Variants in HMGN5 observed in about 807,000 individuals in gnomAD.
The protein encoded by HMGN5 is high mobility group nucleosome-binding domain-containing protein 5.
In HMGN5, 4 loss-of-function variants were observed where a neutral mutation model predicts 9.5. The observed-to-expected ratio is 0.42, with a 90% CI of 0.21 to 0.96. HMGN5 has a LOEUF of 0.96. Among genes scored for constraint, HMGN5 ranks in the 40% least tolerant of loss-of-function variants. HMGN5 has a pLI of 0.30. For synonymous variants in HMGN5, 55 were observed against 57.1 expected (o/e 0.96, Z 0.16); for missense variants, 192 against 187.5 (o/e 1.02, Z -0.14).
At chrX:81,151,048 C>T (rs1473581485) in intron 1 of HMGN5, among the ~76,000 whole-genome samples, 2 of 111,797 alleles carry the variant, frequency 1.8e-5, no homozygotes, top group Non-Finnish European at 3.8e-5. Flanking sequence ...AATACTAACA[C>T]CAATCCTATT....
intron 1 of HMGN5, among the ~76,000 whole-genome samples, chrX:81,142,454 C>A (rs1320361528): frequency 2.7e-5 from 3 of 111,430 alleles, no homozygotes; most frequent in Non-Finnish European, 3.8e-5. Context: ...AAGAAAGAAT[C>A]CTAAAGGCAG....
intron 1 of HMGN5, among the ~76,000 whole-genome samples, chrX:81,128,314 A>G (rs1297528126): frequency 2.7e-5 from 3 of 111,408 alleles, no homozygotes; most frequent in Non-Finnish European, 5.7e-5. Context: ...CACAAATTTT[A>G]ATGACGATAG....
At chrX:81,120,386 G>T (rs2075265438) in intron 2 of HMGN5, among the ~76,000 whole-genome samples, 1 of 111,245 alleles carries the variant, frequency 9.0e-6, no homozygotes, top group Admixed American at 9.6e-5. Flanking sequence ...CTGCTTTAAG[G>T]TTGCTGTCAG....
chrX:81,162,479 G>T (rs1173092597), intron 1 of HMGN5, among the ~76,000 whole-genome samples: 3 of 109,872 alleles, frequency 2.7e-5, no homozygotes, highest in Non-Finnish European at 5.7e-5. Context: ...ATAGAGAGTA[G>T]ATCTCAAGCA....
chrX:81,171,721 G>C (rs928482237), intron 1 of HMGN5, among the ~76,000 whole-genome samples: 3 of 111,215 alleles, frequency 2.7e-5, no homozygotes, highest in Non-Finnish European at 5.7e-5. Context: ...AATGGCCCTA[G>C]AAAGTGCTGC....
chrX:81,151,508 G>A (rs757867588), intron 1 of HMGN5, among the ~76,000 whole-genome samples: 5 of 109,502 alleles, frequency 4.6e-5, no homozygotes, highest in African/African-American at 1.7e-4. Context: ...GCTTGATGGG[G>A]ATGGCATTGA....
chrX:81,166,773 A>T (rs1463331718), intron 1 of HMGN5, among the ~76,000 whole-genome samples: 1 of 111,356 alleles, frequency 9.0e-6, no homozygotes, highest in Non-Finnish European at 1.9e-5. Context: ...TTCCATGGTG[A>T]TGCTATTCAA....
intron 1 of HMGN5, among the ~76,000 whole-genome samples, chrX:81,149,989 G>A (rs2075356281): frequency 1.8e-5 from 2 of 111,601 alleles, no homozygotes; most frequent in South Asian, 7.5e-4. Context: ...TCTCAGCATT[G>A]TACAGATCTT....
At chrX:81,174,862 A>G (rs1306546260) in intron 1 of HMGN5, among the ~76,000 whole-genome samples, 1 of 111,326 alleles carries the variant, frequency 9.0e-6, no homozygotes, top group Non-Finnish European at 1.9e-5. Context: ...TCTGCTTTAT[A>G]GTATATGTAG....
In HMGN5 at chrX:81,115,033, T is replaced by G. The variant is rs147858164; in HGVS notation, c.465A>C (p.Glu155Asp). The G allele has an allele frequency of 5.2e-6, 6 of 1,154,150 alleles. No individual in the cohort carries two copies. In the African/African-American group the frequency reaches 9.1e-5, roughly 18 times the overall value. ...GKEDKDEKGE[E>D]DGKEDKNGNE... ...TTCCATTTTTATCCTCTTTTCCATC[T>G]TCTTCCCCTTTTTCATCTTTGTCTT... The change falls in exon 7 of 7, where the codon GAA (glutamate) becomes GAC (aspartate). Residue 155 changes from glutamate to aspartate, a missense_variant. Glu to Asp is a conservative substitution (Grantham distance 45). Transcript: ENST00000358130.
chrX:81,148,811 T>C (rs776097843), intron 1 of HMGN5, among the ~76,000 whole-genome samples: 2 of 111,074 alleles, frequency 1.8e-5, no homozygotes, highest in African/African-American at 6.5e-5. Flanking sequence ...CATCAAAAAA[T>C]GGGCAAAGGA....
At chrX:81,188,606 C>T (rs189387008) in intron 1 of HMGN5, among the ~76,000 whole-genome samples, 410 of 109,829 alleles carry the variant, frequency 3.7e-3, no homozygotes, top group Non-Finnish European at 6.6e-3. Flanking sequence ...AGTTATATCT[C>T]CTAACGCTAT....
intron 1 of HMGN5, among the ~76,000 whole-genome samples, chrX:81,152,570 T>G (rs2075366645): frequency 9.0e-6 from 1 of 110,989 alleles, no homozygotes; most frequent in African/African-American, 3.3e-5. Flanking sequence ...GTTCAACCAT[T>G]GTGGAAGTCA....
At chrX:81,132,760 A>C (rs891714628) in intron 1 of HMGN5, among the ~76,000 whole-genome samples, 8 of 111,853 alleles carry the variant, frequency 7.2e-5, no homozygotes, top group African/African-American at 2.6e-4. Flanking sequence ...CAACATAGGC[A>C]ATGACATCCT....
At chrX:81,200,008 G>A (rs967554688) in intron 1 of HMGN5, among the ~76,000 whole-genome samples, 9 of 111,635 alleles carry the variant, frequency 8.1e-5, no homozygotes, top group African/African-American at 2.9e-4. Flanking sequence ...CAGAATCTAC[G>A]AAGAACTTAA....
At chrX:81,128,559 A>G (rs1331834701) in intron 1 of HMGN5, among the ~76,000 whole-genome samples, 1 of 111,120 alleles carries the variant, frequency 9.0e-6, no homozygotes, top group Non-Finnish European at 1.9e-5. Flanking sequence ...TCAGTTTCCT[A>G]TTTGTTTTTA....
intron 1 of HMGN5, among the ~76,000 whole-genome samples, chrX:81,181,156 C>CTATG (rs2075461754): frequency 9.0e-6 from 1 of 110,910 alleles, no homozygotes; most frequent in Non-Finnish European, 1.9e-5. Context: ...TGTATCAAAC[C>CTATG]TGCACATTGT....
At chrX:81,176,440 G>A (rs1390425231) in intron 1 of HMGN5, among the ~76,000 whole-genome samples, 2 of 111,552 alleles carry the variant, frequency 1.8e-5, no homozygotes, top group African/African-American at 6.5e-5. Flanking sequence ...AATGACTGAT[G>A]AGTTGACAGA....
intron 1 of HMGN5, among the ~76,000 whole-genome samples, chrX:81,132,921 C>T (rs759073574): frequency 9.0e-6 from 1 of 111,529 alleles, no homozygotes; most frequent in Non-Finnish European, 1.9e-5. Flanking sequence ...AGTAGACAGA[C>T]AACCTACAGA....
Sources: allele counts gnomAD v4.1 joint callset (sites outside exome capture counted in the v4.1 genomes callset), GRCh38; gene constraint gnomAD v4.1.1; transcripts MANE v1.5; gene names NCBI Gene and HGNC (gene_info 2026-07-23, HGNC 2026-07-21).